MTX3: variants seen among roughly 807,000 people sequenced by gnomAD.
MTX3 encodes the protein metaxin 3, also known as metaxin-3.
In MTX3, 27 loss-of-function variants were observed where a neutral mutation model predicts 42.5. The ratio of observed to expected loss-of-function variants is 0.64; its 90% confidence interval spans 0.47 to 0.88. The LOEUF is 0.88. MTX3 is among the 40% of genes least tolerant of loss of function. The probability of loss-of-function intolerance (pLI) is 0.00; values close to 1 mark genes in which losing one functional copy is unlikely to be tolerated. For synonymous variants in MTX3, 144 were observed against 132.9 expected, an observed-to-expected ratio of 1.08 and a Z score of -0.57; for missense variants, 378 against 367.0, an observed-to-expected ratio of 1.03 and a Z score of -0.25.
At chr5:79,990,268 C>T (rs745459654) in intron 2 of MTX3, 32 bp from the exon 3 acceptor site, 1 of 1,453,006 alleles carries the variant, frequency 6.9e-7, no homozygotes, top group Non-Finnish European at 9.5e-7. Context: ...CATACAAGGA[C>T]ACAGTGTGAT....
rs1561282501 is a variant in MTX3, at chr5:79,986,960, A to G, written c.729T>C (p.Leu243=). ...AAAGAGCCAGCTTACCTCCAAGACT[A>G]AGCCTAAAATAACTGCTCAGGATGT... ...CDDILSSYFR[L]SLGGISPAGQ... Residue 243 remains leucine (L), a synonymous_variant, in exon 7 of 9, where the codon CTT becomes CTC. Coordinates refer to ENST00000512528, the MANE Select transcript of MTX3 (RefSeq NM_001363818.2). The G allele has an allele frequency of 1.2e-6, 2 of 1,613,654 alleles. No individual in the cohort carries two copies. The highest frequency in any genetic ancestry group is 1.6e-4 in the Middle Eastern group (1 of 6,080).
In MTX3 at chr5:79,977,571, T is replaced by C. The variant is rs1284549300; in HGVS notation, c.*6113A>G. On this transcript the variant is annotated 3_prime_UTR_variant, in exon 9 of 9. Transcript: ENST00000512528. ...TTCCAAATAATCCAATTGTATACAT[T>C]GCAAAGACACACAAAATGCCTCCTT... 1 of 152,224 alleles carries C rather than the reference T, an allele frequency of 6.6e-6. No homozygotes were observed. The highest frequency in any genetic ancestry group is 1.5e-5 in the Non-Finnish European group (1 of 68,052). The allele number at this position is 152,224 out of a possible 1,614,324, so 9.4% of individuals were successfully genotyped here.
chr5:79,983,505 T>G lies in MTX3; in HGVS notation c.*179A>C. 1 of 580,580 alleles carries G rather than the reference T, an allele frequency of 1.7e-6. No homozygotes were observed. Among genetic ancestry groups the G allele is most frequent in the Non-Finnish European group, 3.1e-6 (1 of 325,856 alleles). The allele number at this position is 580,580 out of a possible 1,614,324, so 36.0% of individuals were successfully genotyped here. On this transcript the variant is annotated 3_prime_UTR_variant, in exon 9 of 9. Coordinates refer to ENST00000512528, the MANE Select transcript of MTX3 (RefSeq NM_001363818.2). Reference sequence around the variant, plus strand: ...ATTCTCTTTGTTATTAAAAATGCAGTGCCAAGCTAGAATACAAGCTTCCTA... The same window carrying G: ...ATTCTCTTTGTTATTAAAAATGCAGGGCCAAGCTAGAATACAAGCTTCCTA...
chr5:79,985,728 A>C lies in MTX3; in HGVS notation c.740-69T>G, dbSNP rs950293553. The C allele has an allele frequency of 5.9e-6, 7 of 1,179,562 alleles. No individual in the cohort carries two copies. In the Admixed American group the frequency reaches 1.6e-4, roughly 27 times the overall value. 73.1% of individuals were successfully genotyped at this position (1,179,562 alleles called of 1,614,324 possible). On this transcript the variant is annotated intron_variant, in intron 7 of 8. Transcript: ENST00000512528. ...AAAGCCTTTAAAGCTATTTAGATTG[A>C]AAGAATTTTGAGTCTACCCACCCTG...
At position 79,981,277 on chromosome 5, in the gene MTX3, C is replaced by T. The variant is rs777075248; in HGVS notation, c.*2407G>A. On this transcript the variant is annotated 3_prime_UTR_variant, in exon 9 of 9. Coordinates refer to ENST00000512528, the MANE Select transcript of MTX3 (RefSeq NM_001363818.2). ...CTTCCTGTCATCTCATTTACTTATACATAAATAGCTCAACTAAGTAACCCA... is the reference window on the plus strand; with the variant it reads ...CTTCCTGTCATCTCATTTACTTATATATAAATAGCTCAACTAAGTAACCCA... 2.6e-5 allele frequency: 4 copies of T among 152,134 alleles called. No homozygotes were observed. The highest frequency in any genetic ancestry group is 1.9e-4 in the East Asian group (1 of 5,194). The allele number at this position is 152,134 out of a possible 1,614,324, so 9.4% of individuals were successfully genotyped here. A position where few individuals can be genotyped will look rare whatever the true frequency, so the allele number is the denominator to read the frequency against.
At position 79,991,248 on chromosome 5, in the gene MTX3, G is replaced by A. The variant is rs374380321; in HGVS notation, c.-10C>T. 1.7e-5 allele frequency: 25 copies of A among 1,447,964 alleles called. No individual in the cohort carries two copies. In the African/African-American group the frequency reaches 3.0e-4, roughly 17 times the overall value. The allele number at this position is 1,447,964 out of a possible 1,614,324, so 89.7% of individuals were successfully genotyped here. A position where few individuals can be genotyped will look rare whatever the true frequency, so the allele number is the denominator to read the frequency against. On this transcript the variant is annotated 5_prime_UTR_variant, in exon 1 of 9. Transcript: ENST00000512528. The stretch of plus-strand genomic sequence containing the variant: ...CCAAGGGGGCCGCCATCTTGCGCGG[G>A]CCGACCTTTACTATCCCGGAAGTAC...
At chr5:79,988,371 T>C in intron 5 of MTX3, 56 bp from the exon 6 acceptor site, 2 of 1,510,782 alleles carry the variant, frequency 1.3e-6, no homozygotes, top group Non-Finnish European at 1.8e-6. Flanking sequence ...AAACTACTTT[T>C]GAGGAAGGCA....
Position 79,978,686 on chromosome 5 carries a change from T to C in MTX3, c.*4998A>G, listed in dbSNP as rs937159651. ...TGGAGATTTAAAATGCACATTAGCG[T>C]ATCAAAGGTCTGAAAGGCCAACAGT... is the stretch of plus-strand genomic sequence containing the variant. On this transcript the variant is annotated 3_prime_UTR_variant, in exon 9 of 9. Coordinates refer to ENST00000512528, the MANE Select transcript of MTX3 (RefSeq NM_001363818.2). 7 of 152,218 alleles carry C rather than the reference T, an allele frequency of 4.6e-5. No homozygotes were observed. Among genetic ancestry groups the C allele is most frequent in the African/African-American group, 1.7e-4 (7 of 41,438 alleles). 9.4% of individuals were successfully genotyped at this position (152,218 alleles called of 1,614,324 possible). A position where few individuals can be genotyped will look rare whatever the true frequency, so the allele number is the denominator to read the frequency against.
In MTX3 at chr5:79,991,226, A is replaced by AG; in HGVS notation, c.12dup (p.Glu6GlyfsTer39). ...CCGCCTCCCCAGCAACTGAGTTCCA[A>AG]GGGGGCCGCCATCTTGCGCGGGCCG... On this transcript the variant is annotated frameshift_variant, in exon 1 of 9. Coordinates refer to ENST00000512528, the MANE Select transcript of MTX3 (RefSeq NM_001363818.2). LOFTEE classifies it high-confidence loss of function. 6.8e-7 allele frequency: 1 copy of AG among 1,460,616 alleles called. No individual in the cohort carries two copies. The highest frequency in any genetic ancestry group is 9.1e-7 in the Non-Finnish European group (1 of 1,102,216). 90.5% of individuals were successfully genotyped at this position (1,460,616 alleles called of 1,614,324 possible). A position where few individuals can be genotyped will look rare whatever the true frequency, so the allele number is the denominator to read the frequency against.
chr5:79,990,810 C>T, intron 1 of MTX3, 147 bp from the exon 2 acceptor site: 1 of 748,402 alleles, frequency 1.3e-6, no homozygotes, highest in South Asian at 1.5e-5. Flanking sequence ...AGTAGGGACG[C>T]GGGCGCCAGC....
intron 7 of MTX3, among the ~76,000 whole-genome samples, chr5:79,986,153 T>C (rs139781227): frequency 9.3e-4 from 142 of 152,234 alleles, no homozygotes; most frequent in African/African-American, 3.3e-3. Flanking sequence ...ATTTAGTAAG[T>C]CTGGAATAGG....
rs758423527 is a variant in MTX3, at chr5:79,979,912, T to C, written c.*3772A>G. The C allele has an allele frequency of 6.6e-6, 1 of 152,148 alleles. No individual in the cohort carries two copies. Among genetic ancestry groups the C allele is most frequent in the Non-Finnish European group, 1.5e-5 (1 of 68,024 alleles). The allele number at this position is 152,148 out of a possible 1,614,324, so 9.4% of individuals were successfully genotyped here. ...GAATACTATGTTTAGAAAATTAAAG[T>C]TTTAAATCATGGTTTATATATAGAT... On this transcript the variant is annotated 3_prime_UTR_variant, in exon 9 of 9. Coordinates refer to ENST00000512528, the MANE Select transcript of MTX3 (RefSeq NM_001363818.2).
At position 79,982,453 on chromosome 5, in the gene MTX3, A is replaced by G; in HGVS notation, c.*1231T>C. On this transcript the variant is annotated 3_prime_UTR_variant, in exon 9 of 9. Transcript: ENST00000512528. ...TGCTGAGCACCACAGTAATCTTTTA[A>G]GACACTAATCAAAAACATGGTTCTA... The G allele has an allele frequency of 2.2e-6, 1 of 456,286 alleles. No individual in the cohort carries two copies. Among genetic ancestry groups the G allele is most frequent in the South Asian group, 1.6e-5 (1 of 64,448 alleles). The allele number at this position is 456,286 out of a possible 1,614,324, so 28.3% of individuals were successfully genotyped here. A position where few individuals can be genotyped will look rare whatever the true frequency, so the allele number is the denominator to read the frequency against.
rs930871389 is a variant in MTX3 at position 79,982,826 on chromosome 5, A to G, written c.*858T>C. 1 of 163,676 alleles carries G rather than the reference A, an allele frequency of 6.1e-6. No individual in the cohort carries two copies. The highest frequency in any genetic ancestry group is 1.3e-5 in the Non-Finnish European group (1 of 75,224). 10.1% of individuals were successfully genotyped at this position (163,676 alleles called of 1,614,324 possible). A position where few individuals can be genotyped will look rare whatever the true frequency, so the allele number is the denominator to read the frequency against. ...CCCTGGCCATGGGCTCCTCCTGAGTAGTGTCTAACAAGTGGGCAATTTCAG... is the reference window on the plus strand; with the variant it reads ...CCCTGGCCATGGGCTCCTCCTGAGTGGTGTCTAACAAGTGGGCAATTTCAG... On this transcript the variant is annotated 3_prime_UTR_variant, in exon 9 of 9. Transcript: ENST00000512528.
At chr5:79,989,961 ACTGACTAC>A in intron 3 of MTX3, among the ~76,000 whole-genome samples, 191 bp downstream of exon 3, 1 of 152,348 alleles carries the variant, frequency 6.6e-6, no homozygotes, top group South Asian at 2.1e-4. Context: ...TAAAATATAA[ACTGACTAC>A]CTCTTCATAT....
intron 1 of MTX3, 78 bp downstream of exon 1, chr5:79,991,080 G>A (rs1301566535): frequency 4.3e-6 from 6 of 1,385,934 alleles, no homozygotes; most frequent in Non-Finnish European, 6.0e-6. Context: ...GCAGCGCAGC[G>A]GGAAACTGGG....
intron 8 of MTX3, among the ~76,000 whole-genome samples, chr5:79,984,574 T>A (rs1831445869): frequency 6.6e-6 from 1 of 151,784 alleles, no homozygotes; most frequent in Admixed American, 6.6e-5. Flanking sequence ...TCATCAGGCC[T>A]CATTGCCCTA....
Position 79,983,438 on chromosome 5 carries a change from A to C in MTX3, c.*246T>G. The C allele has an allele frequency of 1.9e-6, 1 of 525,750 alleles. No individual in the cohort carries two copies. Among genetic ancestry groups the C allele is most frequent in the South Asian group, 2.1e-5 (1 of 47,858 alleles). The allele number at this position is 525,750 out of a possible 1,614,324, so 32.6% of individuals were successfully genotyped here. ...AAGGCAGTTCTTTGTATACAGTACGATGTGTTTTTCTTCCCCGCCCCCCCA... is the reference window on the plus strand; with the variant it reads ...AAGGCAGTTCTTTGTATACAGTACGCTGTGTTTTTCTTCCCCGCCCCCCCA... On this transcript the variant is annotated 3_prime_UTR_variant, in exon 9 of 9. Coordinates refer to ENST00000512528, the MANE Select transcript of MTX3 (RefSeq NM_001363818.2).
intron 2 of MTX3, 131 bp downstream of exon 2, chr5:79,990,463 C>T: frequency 1.4e-6 from 1 of 714,618 alleles, no homozygotes; most frequent in Non-Finnish European, 2.3e-6. Context: ...ATGATCAAAC[C>T]ATAAACAACA....
Sources: gnomAD v4.1 joint callset for allele counts (sites outside exome capture counted in the v4.1 genomes callset) on GRCh38, gnomAD v4.1.1 for gene constraint, MANE v1.5 for transcripts, NCBI Gene and HGNC (gene_info 2026-07-23, HGNC 2026-07-21) for gene names.